The following RELN variants were observed in gnomAD, a reference collection of about 807,000 sequenced individuals.
RELN encodes reelin.
Under a neutral mutation model 427.6 loss-of-function variants are expected in RELN, and 108 were observed. The observed-to-expected ratio is 0.25, with a 90% CI of 0.22 to 0.30. The LOEUF (loss-of-function observed/expected upper bound fraction) is 0.30. RELN is among the 10% of genes least tolerant of loss of function. RELN has a pLI of 1.00. For synonymous variants in RELN, 1,524 were observed against 1,513.4 expected (o/e 1.01, Z -0.16); for missense variants, 3,715 against 4,302.8 (o/e 0.86, Z 3.82).
intron 11 of RELN, among the ~76,000 whole-genome samples, chr7:103,681,697 A>G (rs1480460518): frequency 6.6e-6 from 1 of 152,162 alleles, no homozygotes; most frequent in Non-Finnish European, 1.5e-5. Flanking sequence ...TATCCCCTAA[A>G]GAATTTTTAT....
intron 6 of RELN, among the ~76,000 whole-genome samples, chr7:103,746,312 C>T (rs1475725586): frequency 6.6e-6 from 1 of 152,150 alleles, no homozygotes; most frequent in Admixed American, 6.5e-5. Context: ...ACCATAAAAA[C>T]CCTAGAAGAA....
chr7:103,630,003 G>A lies in RELN; in HGVS notation c.2639C>T (p.Thr880Ile), dbSNP rs1832416237. ...TCCAAGGTAGAATCCCAGAGACTGA[G>A]TGACCTCCACAAGATTGGTAAAGTC... ...SLDFTNLVEV[T>I]QSLGFYLGNV... Residue 880 changes from threonine to isoleucine, a missense_variant, in exon 20 of 65, where the codon ACT becomes ATT. By Grantham distance (89) the Thr-to-Ile change is moderately conservative (BLOSUM62 -1). This residue lies in a region of RELN where 2,208 missense variants were observed against 2,361.7 expected (regional missense o/e 0.93). Transcript: ENST00000428762. 9 of 1,613,904 alleles carry A rather than the reference G, an allele frequency of 5.6e-6. No individual in the cohort carries two copies. Among genetic ancestry groups the A allele is most frequent in the Non-Finnish European group, 7.6e-6 (9 of 1,179,880 alleles).
chr7:103,578,301 G>C (rs924087720), intron 28 of RELN, among the ~76,000 whole-genome samples: 1 of 152,094 alleles, frequency 6.6e-6, no homozygotes, highest in Non-Finnish European at 1.5e-5. Flanking sequence ...GACCCCAGGA[G>C]CTCAGTACTA....
chr7:103,890,090 CA>C (rs1218669801), intron 2 of RELN, among the ~76,000 whole-genome samples: 1 of 152,122 alleles, frequency 6.6e-6, no homozygotes, highest in Non-Finnish European at 1.5e-5. Context: ...AACACTTTTG[CA>C]GTCTGCTCAT....
At chr7:103,612,571 A>G (rs1831985690) in intron 20 of RELN, among the ~76,000 whole-genome samples, 1 of 152,160 alleles carries the variant, frequency 6.6e-6, no homozygotes, top group Non-Finnish European at 1.5e-5. Context: ...CACCGCGCCC[A>G]GCCTGAAATA....
At chr7:103,535,915 ATATAG>A (rs1177668713) in intron 45 of RELN, among the ~76,000 whole-genome samples, 1 of 147,662 alleles carries the variant, frequency 6.8e-6, no homozygotes, top group African/African-American at 2.5e-5. Context: ...ATATCATTTA[ATATAG>A]TATAATACTT....
chr7:103,629,505 C>G (rs1233889077), intron 20 of RELN, among the ~76,000 whole-genome samples: 1 of 152,140 alleles, frequency 6.6e-6, no homozygotes, highest in African/African-American at 2.4e-5. Context: ...AGCATGAAAA[C>G]AGAGCTACTC....
intron 3 of RELN, among the ~76,000 whole-genome samples, chr7:103,784,745 T>C (rs928585129): frequency 3.9e-5 from 6 of 152,202 alleles, no homozygotes; most frequent in Admixed American, 3.3e-4. Flanking sequence ...CTTGGCCCTG[T>C]TGGCATATGA....
intron 42 of RELN, 100 bp downstream of exon 42, chr7:103,545,024 G>T (rs1830256827): frequency 1.2e-6 from 1 of 824,350 alleles, no homozygotes; most frequent in African/African-American, 1.7e-5. Context: ...ATAATAATGA[G>T]ATATTAGAAT....
chr7:103,860,023 G>A (rs566046422), intron 2 of RELN, among the ~76,000 whole-genome samples: 6 of 151,990 alleles, frequency 3.9e-5, no homozygotes, highest in Non-Finnish European at 8.8e-5. Context: ...TCCTCTAAAG[G>A]CATGTAGTAC....
chr7:103,585,805 T>C (rs1167456747), intron 28 of RELN, among the ~76,000 whole-genome samples: 2 of 151,980 alleles, frequency 1.3e-5, no homozygotes, highest in Admixed American at 6.6e-5. Flanking sequence ...ACAAAAATCC[T>C]CAAGAAAATA....
chr7:103,663,547 G>T (rs1236237524), intron 11 of RELN, among the ~76,000 whole-genome samples: 1 of 152,042 alleles, frequency 6.6e-6, no homozygotes, highest in Non-Finnish European at 1.5e-5. Context: ...TGGCACATTG[G>T]GAAACACCCT....
intron 20 of RELN, among the ~76,000 whole-genome samples, chr7:103,619,634 C>A (rs915454254): frequency 3.3e-5 from 5 of 152,164 alleles, no homozygotes; most frequent in Non-Finnish European, 5.9e-5. Flanking sequence ...AGAAAATGCG[C>A]GTCAGCTGGA....
intron 1 of RELN, among the ~76,000 whole-genome samples, chr7:103,954,407 G>GGT (rs376409034): frequency 5.9e-5 from 9 of 151,510 alleles, no homozygotes; most frequent in Non-Finnish European, 7.4e-5. Context: ...AGTTTGTGAG[G>GGT]GTGTGTGTGT....
chr7:103,847,999 T>G (rs1793722672), intron 2 of RELN, among the ~76,000 whole-genome samples: 1 of 152,238 alleles, frequency 6.6e-6, no homozygotes. Context: ...CATTTCTACC[T>G]GGAGCTGTTT....
chr7:103,662,165 T>A (rs1317253866), intron 11 of RELN, among the ~76,000 whole-genome samples: 1 of 152,176 alleles, frequency 6.6e-6, no homozygotes, highest in African/African-American at 2.4e-5. Context: ...GTAGTCACCA[T>A]TACTACCCCA....
At position 103,661,808 on chromosome 7, in the gene RELN, C is replaced by G. The variant is rs185772816; in HGVS notation, c.1290-281G>C. Among the ~76,000 whole-genome samples the G allele has an allele frequency of 5.9e-5, 9 of 152,230 alleles. No individual in the cohort carries two copies. In the East Asian group the frequency reaches 1.7e-3, roughly 29 times the overall value. On this transcript the variant is annotated intron_variant, in intron 11 of 64. Transcript: ENST00000428762. ...GTGTCTACTTGTGATCAGAGCCATGCTCCAGACTGAGATACTTTTCATTCT... is the reference window on the plus strand; with the variant it reads ...GTGTCTACTTGTGATCAGAGCCATGGTCCAGACTGAGATACTTTTCATTCT...
At chr7:103,499,118 T>G (rs1828937265) in intron 53 of RELN, among the ~76,000 whole-genome samples, 1 of 152,082 alleles carries the variant, frequency 6.6e-6, no homozygotes, top group Non-Finnish European at 1.5e-5. Flanking sequence ...ACCAAATCTC[T>G]CTATATAAGT....
intron 8 of RELN, among the ~76,000 whole-genome samples, chr7:103,704,748 CT>C (rs2115815794): frequency 6.6e-6 from 1 of 151,978 alleles, no homozygotes; most frequent in South Asian, 2.1e-4. Context: ...TTTTTGCTCC[CT>C]TTTTGGGCAA....
Sources: allele counts gnomAD v4.1 joint callset (sites outside exome capture counted in the v4.1 genomes callset), GRCh38; gene constraint gnomAD v4.1.1; regional missense constraint gnomAD v4.1.1; transcripts MANE v1.5; gene names NCBI Gene and HGNC (gene_info 2026-07-23, HGNC 2026-07-21).